Variants in GSK3B observed in about 807,000 individuals in gnomAD.
GSK3B encodes the protein glycogen synthase kinase 3 beta.
In GSK3B, 15 loss-of-function variants were observed where a neutral mutation model predicts 56.4. That is an observed-to-expected ratio of 0.27 (90% CI 0.18 to 0.41). The LOEUF is 0.41. GSK3B is among the 10% of genes least tolerant of loss of function. The pLI, the probability that GSK3B is intolerant of heterozygous loss-of-function variation, is 1.00. For missense variants in GSK3B, 300 were observed against 513.4 expected, an observed-to-expected ratio of 0.58 and a Z score of 4.02; for synonymous variants, 181 against 188.9, an observed-to-expected ratio of 0.96 and a Z score of 0.34.
intron 1 of GSK3B, 100 bp downstream of exon 1, chr3:120,093,247 T>C (rs1372244465): frequency 1.2e-6 from 1 of 802,240 alleles, no homozygotes. Context: ...TTCCATTGCC[T>C]GTTTATCAGG....
chr3:119,827,379 G>C (rs2055528210), intron 10 of GSK3B, among the ~76,000 whole-genome samples: 1 of 152,102 alleles, frequency 6.6e-6, no homozygotes, highest in Non-Finnish European at 1.5e-5. Flanking sequence ...AGCAACTGCA[G>C]TACCAATTCA....
rs56198526 is a variant in GSK3B at position 119,984,817 on chromosome 3, G to T, written c.282+17229C>A. Among the ~76,000 whole-genome samples, 971 of 152,160 alleles carry T rather than the reference G, an allele frequency of 6.4e-3. 12 individuals carry two copies. Among genetic ancestry groups the T allele is most frequent in the African/African-American group, 0.02 (831 of 41,502 alleles). On this transcript the variant is annotated intron_variant, in intron 2 of 10. Transcript: ENST00000264235. The stretch of plus-strand genomic sequence containing the variant: ...CTATTTCAATCAATAGAAAAAGAGG[G>T]GATCCACCCTGACTCATTTTATGAG...
chr3:119,927,877 A>G lies in GSK3B; in HGVS notation c.367-4394T>C, dbSNP rs1156927777. On this transcript the variant is annotated intron_variant, in intron 3 of 10. Transcript: ENST00000264235. ...AAGAAAAAACTAAGAGGCAAAAGAA[A>G]GCAAGGAAAGATTAGCATCGACAAT... 2.0e-5 allele frequency among the ~76,000 whole-genome samples: 3 copies of G among 152,242 alleles called. No individual in the cohort carries two copies. The East Asian group carries it at 5.8e-4, about 29-fold the overall frequency.
intron 1 of GSK3B, among the ~76,000 whole-genome samples, chr3:120,032,474 C>T (rs548252438): frequency 6.5e-4 from 88 of 135,122 alleles, no homozygotes; most frequent in African/African-American, 2.3e-3. Flanking sequence ...GACTCCGTCT[C>T]GGAAAAAAAA....
At chr3:119,907,363 A>G (rs2056692987) in intron 6 of GSK3B, among the ~76,000 whole-genome samples, 1 of 152,164 alleles carries the variant, frequency 6.6e-6, no homozygotes, top group Non-Finnish European at 1.5e-5. Flanking sequence ...CAAAAAGTAA[A>G]ACATCAAGGA....
At chr3:120,007,570 C>A (rs58043853) in intron 1 of GSK3B, among the ~76,000 whole-genome samples, 33 of 151,996 alleles carry the variant, frequency 2.2e-4, no homozygotes, top group Middle Eastern at 3.2e-3. Context: ...TTATCCACCA[C>A]GATCAAGTCG....
At chr3:119,902,488 C>T (rs1457741252) in intron 7 of GSK3B, among the ~76,000 whole-genome samples, 2 of 152,080 alleles carry the variant, frequency 1.3e-5, no homozygotes, top group African/African-American at 4.8e-5. Context: ...CATCTGCTTC[C>T]CAGGTTCAAG....
At chr3:120,074,581 G>T (rs974055130) in intron 1 of GSK3B, among the ~76,000 whole-genome samples, 1 of 152,048 alleles carries the variant, frequency 6.6e-6, no homozygotes, top group Non-Finnish European at 1.5e-5. Context: ...CTCCCAAAGT[G>T]CTGGGATTAC....
chr3:120,083,616 CAG>C (rs2058440310), intron 1 of GSK3B, among the ~76,000 whole-genome samples: 1 of 152,254 alleles, frequency 6.6e-6, no homozygotes, highest in African/African-American at 2.4e-5. Context: ...ACACTTTAAA[CAG>C]AGAGTTACCA....
chr3:119,889,514 A>G (rs764941445), intron 7 of GSK3B, among the ~76,000 whole-genome samples: 5 of 152,136 alleles, frequency 3.3e-5, no homozygotes, highest in Non-Finnish European at 5.9e-5. Context: ...ATATTGATGC[A>G]TATTTTAAAT....
chr3:119,967,045 A>C (rs903135678), intron 2 of GSK3B, among the ~76,000 whole-genome samples: 1 of 152,114 alleles, frequency 6.6e-6, no homozygotes, highest in Non-Finnish European at 1.5e-5. Flanking sequence ...CCCAAAATTG[A>C]TCTACAGATC....
intron 1 of GSK3B, among the ~76,000 whole-genome samples, chr3:120,069,798 C>T (rs1471906109): frequency 6.6e-6 from 1 of 152,124 alleles, no homozygotes; most frequent in Admixed American, 6.6e-5. Flanking sequence ...ATTACGAATA[C>T]TCACTTAAAA....
At chr3:119,895,261 C>T (rs866324223) in intron 7 of GSK3B, among the ~76,000 whole-genome samples, 1 of 152,156 alleles carries the variant, frequency 6.6e-6, no homozygotes, top group Non-Finnish European at 1.5e-5. Flanking sequence ...GAATTTCCTT[C>T]TTTCTTAAGG....
intron 10 of GSK3B, among the ~76,000 whole-genome samples, chr3:119,833,885 A>T (rs553198418): frequency 6.6e-6 from 1 of 151,710 alleles, no homozygotes; most frequent in East Asian, 1.9e-4. Flanking sequence ...TTTAGTAGAG[A>T]TGGGGTTTCG....
At chr3:120,042,918 A>C (rs2058075186) in intron 1 of GSK3B, among the ~76,000 whole-genome samples, 1 of 152,240 alleles carries the variant, frequency 6.6e-6, no homozygotes, top group Non-Finnish European at 1.5e-5. Flanking sequence ...AAAAAGATAC[A>C]GGCCTTTCCC....
At chr3:119,900,798 A>G (rs2056616822) in intron 7 of GSK3B, among the ~76,000 whole-genome samples, 1 of 152,154 alleles carries the variant, frequency 6.6e-6, no homozygotes, top group African/African-American at 2.4e-5. Flanking sequence ...TTAATTGTTC[A>G]GTTTTTAAAA....
chr3:119,981,881 A>G (rs1360971123), intron 2 of GSK3B, among the ~76,000 whole-genome samples: 1 of 152,228 alleles, frequency 6.6e-6, no homozygotes, highest in Non-Finnish European at 1.5e-5. Context: ...GAACAGACAG[A>G]CTGCCTCCAC....
At chr3:119,952,527 A>T (rs1325098475) in intron 2 of GSK3B, among the ~76,000 whole-genome samples, 1 of 151,422 alleles carries the variant, frequency 6.6e-6, no homozygotes, top group Non-Finnish European at 1.5e-5. Context: ...AGAAAAAAAA[A>T]TTATCAATGA....
chr3:119,920,855 G>A (rs1336898717), intron 4 of GSK3B, among the ~76,000 whole-genome samples: 1 of 152,288 alleles, frequency 6.6e-6, no homozygotes, highest in South Asian at 2.1e-4. Flanking sequence ...TGGAAAAAAA[G>A]AAGATGCATT....
Sources: allele counts gnomAD v4.1 joint callset (sites outside exome capture counted in the v4.1 genomes callset), GRCh38; gene constraint gnomAD v4.1.1; transcripts MANE v1.5; gene names NCBI Gene and HGNC (gene_info 2026-07-23, HGNC 2026-07-21).